The following ERBB4 variants were observed in gnomAD, a reference collection of about 807,000 sequenced individuals.
The protein encoded by ERBB4 is erb-b2 receptor tyrosine kinase 4.
Under a neutral mutation model 158.0 loss-of-function variants are expected in ERBB4, and 42 were observed. The observed-to-expected ratio is 0.27, with a 90% confidence interval of 0.21 to 0.34. The LOEUF (loss-of-function observed/expected upper bound fraction) is 0.34. Ranked by LOEUF, ERBB4 falls within the 10% of genes least tolerant of loss-of-function variation. ERBB4 has a pLI of 1.00. For missense variants in ERBB4, 1,333 were observed against 1,624.1 expected (o/e 0.82, Z 3.08); for synonymous variants, 583 against 558.7 (o/e 1.04, Z -0.61).
At chr2:211,625,947 T>C (rs1439131106) in intron 17 of ERBB4, among the ~76,000 whole-genome samples, 2 of 152,220 alleles carry the variant, frequency 1.3e-5, no homozygotes, top group African/African-American at 4.8e-5. Flanking sequence ...TTTTCTTGGG[T>C]ATCATTTAAT....
chr2:212,479,316 CTCTT>C (rs1047561424), intron 1 of ERBB4, among the ~76,000 whole-genome samples: 1 of 151,972 alleles, frequency 6.6e-6, no homozygotes, highest in African/African-American at 2.4e-5. Context: ...CTCTCTCTTT[CTCTT>C]TCTCTTTCTC....
intron 16 of ERBB4, among the ~76,000 whole-genome samples, chr2:211,654,298 A>C (rs1356691235): frequency 1.3e-5 from 2 of 152,186 alleles, no homozygotes; most frequent in Admixed American, 6.5e-5. Context: ...ATCCCCTCAC[A>C]AGTCAATTGA....
chr2:212,078,359 T>C (rs1478595258), intron 2 of ERBB4, among the ~76,000 whole-genome samples: 3 of 151,996 alleles, frequency 2.0e-5, no homozygotes, highest in Non-Finnish European at 4.4e-5. Context: ...TCAGATTTTG[T>C]TGTTGTGCAC....
At chr2:212,230,480 CA>C (rs2083624285) in intron 1 of ERBB4, among the ~76,000 whole-genome samples, 1 of 151,986 alleles carries the variant, frequency 6.6e-6, no homozygotes, top group Non-Finnish European at 1.5e-5. Flanking sequence ...ATATTTTTGT[CA>C]AATTGCCAAA....
chr2:212,299,793 A>G (rs2086552942), intron 1 of ERBB4, among the ~76,000 whole-genome samples: 2 of 151,658 alleles, frequency 1.3e-5, no homozygotes, highest in African/African-American at 4.8e-5. Context: ...GTGAATCTTT[A>G]TAATAGTTTT....
At chr2:211,738,361 G>GTTTTGTTTTTTTTT (rs1559473744) in intron 5 of ERBB4, among the ~76,000 whole-genome samples, 1 of 135,340 alleles carries the variant, frequency 7.4e-6, no homozygotes. Context: ...CTTTGTTTTT[G>GTTTTGTTTTTTTTT]TTTTTTTTTT....
At chr2:211,647,272 C>T (rs1437098888) in intron 16 of ERBB4, among the ~76,000 whole-genome samples, 4 of 151,260 alleles carry the variant, frequency 2.6e-5, no homozygotes, top group African/African-American at 9.7e-5. Context: ...TAAAATCTTC[C>T]AAAACAGACT....
chr2:211,730,502 T>C (rs2074394456), intron 5 of ERBB4, among the ~76,000 whole-genome samples: 1 of 152,002 alleles, frequency 6.6e-6, no homozygotes, highest in South Asian at 2.1e-4. Flanking sequence ...TCAGTGCCTT[T>C]TGATTATCTT....
chr2:212,178,995 A>T (rs1575755730), intron 1 of ERBB4, among the ~76,000 whole-genome samples: 2 of 151,838 alleles, frequency 1.3e-5, no homozygotes, highest in Middle Eastern at 6.8e-3. Flanking sequence ...ACCACAATCA[A>T]ATATACAATT....
chr2:211,898,022 C>A (rs2079144258), intron 3 of ERBB4, among the ~76,000 whole-genome samples: 1 of 151,986 alleles, frequency 6.6e-6, no homozygotes, highest in Non-Finnish European at 1.5e-5. Flanking sequence ...TCTTGGCCTT[C>A]CACAGTGCTG....
chr2:212,050,119 T>C (rs1189595148), intron 2 of ERBB4, among the ~76,000 whole-genome samples: 1 of 152,142 alleles, frequency 6.6e-6, no homozygotes, highest in South Asian at 2.1e-4. Flanking sequence ...AGTATTTAAA[T>C]CTTTAAAATG....
intron 1 of ERBB4, among the ~76,000 whole-genome samples, chr2:212,189,733 A>T (rs1165265369): frequency 6.6e-6 from 1 of 152,246 alleles, no homozygotes; most frequent in East Asian, 1.9e-4. Context: ...ACAGGTCTTT[A>T]ACCTCACATA....
At chr2:211,759,800 T>C (rs1056772156) in intron 4 of ERBB4, among the ~76,000 whole-genome samples, 2 of 133,826 alleles carry the variant, frequency 1.5e-5, no homozygotes, top group African/African-American at 2.9e-5. Context: ...GTTTTTCATT[T>C]TCTAGAGTGT....
rs77335443 is a variant in ERBB4, at chr2:212,091,181, C to T, written c.234+33571G>A. On this transcript the variant is annotated intron_variant, in intron 2 of 27. Coordinates refer to ENST00000342788, the MANE Select transcript of ERBB4 (RefSeq NM_005235.3). ...GGCGTGACAGAGAGGGAAGAGGAAG[C>T]TGAAGAGCAGGAGACAGGTAAAAAA... Among the ~76,000 whole-genome samples, 1,253 of 138,154 alleles carry T rather than the reference C, an allele frequency of 9.1e-3. 13 individuals carry two copies. The highest frequency in any genetic ancestry group is 0.013 in the Non-Finnish European group (807 of 64,082). The allele number at this position is 138,154 out of a possible 152,430, so 90.6% of individuals were successfully genotyped here.
At chr2:212,007,718 T>A (rs971360327) in intron 2 of ERBB4, among the ~76,000 whole-genome samples, 1 of 152,028 alleles carries the variant, frequency 6.6e-6, no homozygotes, top group Admixed American at 6.6e-5. Flanking sequence ...ACAAATAGAT[T>A]TTATACTCAC....
chr2:211,475,444 A>C (rs1378814203), intron 20 of ERBB4, among the ~76,000 whole-genome samples: 1 of 152,112 alleles, frequency 6.6e-6, no homozygotes, highest in Non-Finnish European at 1.5e-5. Context: ...AACATACACC[A>C]TAAGAAATAC....
intron 1 of ERBB4, among the ~76,000 whole-genome samples, chr2:212,127,333 C>T (rs2079964356): frequency 6.6e-6 from 1 of 152,214 alleles, no homozygotes; most frequent in African/African-American, 2.4e-5. Context: ...CGGCTCATGC[C>T]TGTAATCCCA....
At chr2:211,575,062 T>C (rs966725882) in intron 19 of ERBB4, among the ~76,000 whole-genome samples, 4 of 152,214 alleles carry the variant, frequency 2.6e-5, no homozygotes, top group Non-Finnish European at 4.4e-5. Context: ...CCATTTGCCA[T>C]GATTCTAAAT....
chr2:212,460,249 T>C (rs1371527950), intron 1 of ERBB4, among the ~76,000 whole-genome samples: 1 of 152,096 alleles, frequency 6.6e-6, no homozygotes, highest in South Asian at 2.1e-4. Flanking sequence ...ATTAGCAGCA[T>C]GAAAATGGAT....
Sources: gnomAD v4.1 joint callset for allele counts (sites outside exome capture counted in the v4.1 genomes callset) on GRCh38, gnomAD v4.1.1 for gene constraint, MANE v1.5 for transcripts, NCBI Gene and HGNC (gene_info 2026-07-23, HGNC 2026-07-21) for gene names.